Variants in NAPB observed in about 807,000 individuals in gnomAD.
NAPB encodes the protein beta-soluble NSF attachment protein.
In NAPB, 26 loss-of-function variants were observed where a neutral mutation model predicts 44.7. The ratio of observed to expected loss-of-function variants is 0.58; its 90% CI spans 0.43 to 0.81. The LOEUF is 0.81. NAPB is among the 30% of genes least tolerant of loss of function. The pLI is 0.00. For missense variants in NAPB, 315 were observed against 356.4 expected (o/e 0.88, Z 0.94); for synonymous variants, 120 against 116.8 (o/e 1.03, Z -0.18).
Position 23,376,018 on chromosome 20 carries a change from ACAT to A in NAPB, c.*1355_*1357del. ...CAGTTGAGAGCCACCAAAAATGAAA[ACAT>A]CATTCCAATACTACTTACTACTACC... On this transcript the variant is annotated 3_prime_UTR_variant, in exon 11 of 11. Transcript: ENST00000377026. The A allele has an allele frequency of 6.6e-6, 1 of 152,350 alleles. No homozygotes were observed. Among genetic ancestry groups the A allele is most frequent in the African/African-American group, 2.4e-5 (1 of 41,572 alleles). The allele number at this position is 152,350 out of a possible 1,614,324, so 9.4% of individuals were successfully genotyped here.
rs1982509866 is a variant in NAPB at position 23,376,254 on chromosome 20, ATATAT to A, written c.*1117_*1121del. On this transcript the variant is annotated 3_prime_UTR_variant, in exon 11 of 11. Transcript: ENST00000377026. ...AAGTTCATGAATCAAGATAGCATAC[ATATAT>A]TATATAAACCAATTAAACACGACAG... The A allele has an allele frequency of 6.6e-6, 1 of 152,266 alleles. No individual in the cohort carries two copies. Among genetic ancestry groups the A allele is most frequent in the African/African-American group, 2.4e-5 (1 of 41,464 alleles). 9.4% of individuals were successfully genotyped at this position (152,266 alleles called of 1,614,324 possible).
chr20:23,387,426 T>C (rs1164468573), intron 7 of NAPB, among the ~76,000 whole-genome samples: 1 of 152,136 alleles, frequency 6.6e-6, no homozygotes, highest in African/African-American at 2.4e-5. Context: ...CACATTCATA[T>C]TGCAGAGGAA....
rs1010257286 is a variant in NAPB at position 23,379,349 on chromosome 20, C to G, written c.786+96G>C. The G allele has an allele frequency of 5.2e-6, 5 of 957,562 alleles. No individual in the cohort carries two copies. The African/African-American group carries it at 8.3e-5, about 16-fold the overall frequency. The allele number at this position is 957,562 out of a possible 1,614,324, so 59.3% of individuals were successfully genotyped here. On this transcript the variant is annotated intron_variant, in intron 10 of 10. Coordinates refer to ENST00000377026, the MANE Select transcript of NAPB (RefSeq NM_022080.3). ...ACTTAAGGTATGCTGGAGTCATGTT[C>G]AAATAAATGTTTAGAATTCACATAA...
chr20:23,418,861 C>T (rs1229521846), intron 1 of NAPB, among the ~76,000 whole-genome samples: 3 of 151,828 alleles, frequency 2.0e-5, no homozygotes, highest in Non-Finnish European at 2.9e-5. Context: ...GCAGGAGAAT[C>T]GCTTGAACCT....
rs76315009 is a variant in NAPB, at chr20:23,389,196, G to A, written c.561+750C>T. On this transcript the variant is annotated intron_variant, in intron 7 of 10. Coordinates refer to ENST00000377026, the MANE Select transcript of NAPB (RefSeq NM_022080.3). ...GAAATAACAATCAAAAACAGAATGA[G>A]ACAACATTTCACACTCATTAGGGTG... is the stretch of plus-strand genomic sequence containing the variant. Among the ~76,000 whole-genome samples, 124 of 113,042 alleles carry A rather than the reference G, an allele frequency of 1.1e-3. 5 individuals are homozygous for A. The East Asian group carries it at 0.031, about 28-fold the overall frequency. 74.2% of individuals were successfully genotyped at this position (113,042 alleles called of 152,430 possible). A position where few individuals can be genotyped will look rare whatever the true frequency, so the allele number is the denominator to read the frequency against.
intron 2 of NAPB, 144 bp from the exon 3 acceptor site, chr20:23,397,332 G>A (rs1984443841): frequency 3.3e-6 from 3 of 919,046 alleles, no homozygotes; most frequent in East Asian, 5.8e-5. Context: ...GTGGTCCAGT[G>A]CACCTCGGGC....
rs185034337 is a variant in NAPB at position 23,376,620 on chromosome 20, A to G, written c.*756T>C. 5 of 152,338 alleles carry G rather than the reference A, an allele frequency of 3.3e-5. No individual in the cohort carries two copies. The East Asian group carries it at 7.7e-4, about 23-fold the overall frequency. 9.4% of individuals were successfully genotyped at this position (152,338 alleles called of 1,614,324 possible). A position where few individuals can be genotyped will look rare whatever the true frequency, so the allele number is the denominator to read the frequency against. ...ATAAAGGGATTTCCACTCCAACTAA[A>G]AGTGAAAACTATCTCCAGAAAAAGA... On this transcript the variant is annotated 3_prime_UTR_variant, in exon 11 of 11. Coordinates refer to ENST00000377026, the MANE Select transcript of NAPB (RefSeq NM_022080.3).
In NAPB at chr20:23,402,824, G is replaced by GCACA. The variant is rs143971642; in HGVS notation, c.178+165_178+168dup. Among the ~76,000 whole-genome samples the GCACA allele has an allele frequency of 6.1e-3, 931 of 152,264 alleles. 5 individuals carry two copies. Among genetic ancestry groups the GCACA allele is most frequent in the Non-Finnish European group, 8.9e-3 (607 of 68,036 alleles). On this transcript the variant is annotated intron_variant, in intron 2 of 10. Transcript: ENST00000377026. ...GGCTTTCCAGCTTCATTCACTTAGA[G>GCACA]CACACCCCTTTAGTCTCCATATGTC...
chr20:23,404,924 G>A (rs1327339007), intron 1 of NAPB, among the ~76,000 whole-genome samples: 2 of 152,182 alleles, frequency 1.3e-5, no homozygotes, highest in African/African-American at 2.4e-5. Context: ...ACGACTGGGA[G>A]GAATATAAAA....
intron 2 of NAPB, among the ~76,000 whole-genome samples, chr20:23,399,299 G>A (rs542770717): frequency 1.3e-5 from 2 of 152,172 alleles, no homozygotes; most frequent in South Asian, 4.1e-4. Context: ...TTAAGAGGTG[G>A]GGCCTTTGGG....
intron 1 of NAPB, among the ~76,000 whole-genome samples, chr20:23,408,705 G>A (rs547132557): frequency 2.2e-4 from 34 of 152,264 alleles, no homozygotes; most frequent in East Asian, 3.9e-4. Flanking sequence ...GATTTCTTCC[G>A]TGGAGGAGAT....
intron 7 of NAPB, 152 bp downstream of exon 7, chr20:23,389,794 T>C: frequency 8.1e-6 from 5 of 615,648 alleles, no homozygotes; most frequent in South Asian, 4.7e-5. Context: ...GTAGTGGTGA[T>C]AGTTATACAA....
At chr20:23,420,765 G>A (rs905094293) in intron 1 of NAPB, among the ~76,000 whole-genome samples, 20 of 151,996 alleles carry the variant, frequency 1.3e-4, no homozygotes, top group African/African-American at 4.8e-4. Flanking sequence ...GGGCCAGGGC[G>A]AGGGGGGCGA....
intron 2 of NAPB, among the ~76,000 whole-genome samples, chr20:23,399,133 A>G (rs1984629710): frequency 6.6e-6 from 1 of 152,106 alleles, no homozygotes; most frequent in South Asian, 2.1e-4. Context: ...CCCAGGTTCA[A>G]TTCTTGCTCT....
chr20:23,392,665 C>T (rs6048777), intron 5 of NAPB, among the ~76,000 whole-genome samples: 68,561 of 151,534 alleles, frequency 0.45, 15,803 homozygotes, highest in East Asian at 0.71. Context: ...ATGAGGCACA[C>T]GCCACCATTC....
In NAPB at chr20:23,377,350, C is replaced by A; in HGVS notation, c.*26G>T. The A allele has an allele frequency of 6.8e-7, 1 of 1,477,738 alleles. No individual in the cohort carries two copies. Among genetic ancestry groups the A allele is most frequent in the South Asian group, 1.2e-5 (1 of 81,072 alleles). 91.5% of individuals were successfully genotyped at this position (1,477,738 alleles called of 1,614,324 possible). ...TAAGACAAAACTAAAGAGGAGTTAG[C>A]TGCATGCCACAAAGACAAAAACATT... On this transcript the variant is annotated 3_prime_UTR_variant, in exon 11 of 11. Coordinates refer to ENST00000377026, the MANE Select transcript of NAPB (RefSeq NM_022080.3).
At chr20:23,406,344 G>A (rs1444193449) in intron 1 of NAPB, among the ~76,000 whole-genome samples, 2 of 152,150 alleles carry the variant, frequency 1.3e-5, no homozygotes, top group Admixed American at 1.3e-4. Context: ...TCTTTCTGGG[G>A]TGATGAAGAT....
chr20:23,375,342 A>G lies in NAPB; in HGVS notation c.*2034T>C, dbSNP rs1982424700. On this transcript the variant is annotated 3_prime_UTR_variant, in exon 11 of 11. Transcript: ENST00000377026. ...TGGAGTATAATGATGAAAGCTAAAC[A>G]TAATTGCCCGAAAATAAATCATGTA... The G allele has an allele frequency of 6.6e-6, 1 of 152,204 alleles. No homozygotes were observed. The highest frequency in any genetic ancestry group is 6.5e-5 in the Admixed American group (1 of 15,284). 9.4% of individuals were successfully genotyped at this position (152,204 alleles called of 1,614,324 possible).
chr20:23,378,192 T>G (rs1366012668), intron 10 of NAPB, among the ~76,000 whole-genome samples: 4 of 147,738 alleles, frequency 2.7e-5, no homozygotes, highest in African/African-American at 5.0e-5. Flanking sequence ...GGGGTGGTGG[T>G]GTGCACCTGT....
Sources: allele counts gnomAD v4.1 joint callset (sites outside exome capture counted in the v4.1 genomes callset), GRCh38; gene constraint gnomAD v4.1.1; transcripts MANE v1.5; gene names NCBI Gene and HGNC (gene_info 2026-07-23, HGNC 2026-07-21).